The following PITPNC1 variants were observed in gnomAD, a reference collection of about 807,000 sequenced individuals.
PITPNC1 encodes phosphatidylinositol transfer protein cytoplasmic 1.
Under a neutral mutation model 44.7 loss-of-function variants are expected in PITPNC1, and 18 were observed. The ratio of observed to expected loss-of-function variants is 0.40; its 90% CI spans 0.28 to 0.60. PITPNC1 has a LOEUF of 0.60. PITPNC1 is among the 20% of genes least tolerant of loss of function. The pLI, the probability that PITPNC1 is intolerant of heterozygous loss-of-function variation, is 0.39. For missense variants in PITPNC1, 290 were observed against 418.4 expected (o/e 0.69, Z 2.68); for synonymous variants, 141 against 149.6 (o/e 0.94, Z 0.42).
In PITPNC1 at chr17:67,692,864, G is replaced by A. The variant is rs767413827; in HGVS notation, c.975G>A (p.Lys325=). ...LNLPGMHSSD[K]PCRPKSE is the part of the protein sequence containing the mutation. Reference sequence around the variant, plus strand: ...TACCCGGCATGCACTCTTCAGATAAGCCATGTCGGCCCAAATCTGAGTAAC... The same window carrying A: ...TACCCGGCATGCACTCTTCAGATAAACCATGTCGGCCCAAATCTGAGTAAC... The change falls in exon 9 of 9, where the codon AAG becomes AAA. Residue 325 remains lysine (K), a synonymous_variant. Coordinates refer to ENST00000581322, the MANE Select transcript of PITPNC1 (RefSeq NM_012417.4). 1 of 1,606,298 alleles carries A rather than the reference G, an allele frequency of 6.2e-7. No individual in the cohort carries two copies.
At position 67,514,333 on chromosome 17, in the gene PITPNC1, G is replaced by A. The variant is rs534308983; in HGVS notation, c.49-18469G>A. Among the ~76,000 whole-genome samples the A allele has an allele frequency of 7.0e-3, 1,059 of 152,006 alleles. 13 individuals are homozygous for A. Among genetic ancestry groups the A allele is most frequent in the South Asian group, 0.028 (135 of 4,812 alleles). ...TTCCAGCCTCAACCTCCGAGTAGCT[G>A]AGATTACCGGCACCCACCAGCACGC... On this transcript the variant is annotated intron_variant, in intron 1 of 8. Coordinates refer to ENST00000581322, the MANE Select transcript of PITPNC1 (RefSeq NM_012417.4).
chr17:67,404,978 C>T (rs547298500), intron 1 of PITPNC1, among the ~76,000 whole-genome samples: 12 of 152,254 alleles, frequency 7.9e-5, no homozygotes, highest in African/African-American at 2.9e-4. Context: ...CAGGCACCGT[C>T]ACTCACGCCT....
At chr17:67,379,448 G>A in intron 1 of PITPNC1, 1 of 809,970 alleles carries the variant, frequency 1.2e-6, no homozygotes, top group Non-Finnish European at 1.5e-6. Flanking sequence ...TTTACAAAAC[G>A]CATCACGGGG....
chr17:67,491,277 G>GGACA (rs1285613628), intron 1 of PITPNC1, among the ~76,000 whole-genome samples: 1 of 152,244 alleles, frequency 6.6e-6, no homozygotes. Context: ...GGAACCCGCA[G>GGACA]GACACTGAGG....
chr17:67,619,685 C>A lies in PITPNC1; in HGVS notation c.367-12458C>A, dbSNP rs974336533. The stretch of plus-strand genomic sequence containing the variant: ...TCATCTCTGATCAAAGCTTTTCCAC[C>A]ATCAGGTGCTCCTCTGAGAGCTTTC... On this transcript the variant is annotated intron_variant, in intron 5 of 8. Transcript: ENST00000581322. Among the ~76,000 whole-genome samples, 9 of 152,274 alleles carry A rather than the reference C, an allele frequency of 5.9e-5. 1 individual carries two copies. The highest frequency in any genetic ancestry group is 1.9e-4 in the African/African-American group (8 of 41,564).
At chr17:67,599,018 ATATATATATATATATATTT>A (rs1234273082) in intron 5 of PITPNC1, among the ~76,000 whole-genome samples, 36 of 35,946 alleles carry the variant, frequency 1.0e-3, no homozygotes, top group Middle Eastern at 8.9e-3. Flanking sequence ...ATATATATAT[ATATATATATATATATATTT>A]TTTTTTTTTT....
At chr17:67,412,593 T>A (rs559199401) in intron 1 of PITPNC1, among the ~76,000 whole-genome samples, 7 of 152,054 alleles carry the variant, frequency 4.6e-5, no homozygotes, top group Admixed American at 1.3e-4. Flanking sequence ...TGAGACGGAG[T>A]TTCGCTCTTG....
At chr17:67,500,155 C>T (rs1277642340) in intron 1 of PITPNC1, among the ~76,000 whole-genome samples, 1 of 152,162 alleles carries the variant, frequency 6.6e-6, no homozygotes, top group African/African-American at 2.4e-5. Context: ...CTAGTTATTG[C>T]ATTTCTGTCT....
At chr17:67,384,535 C>T (rs2038012410) in intron 1 of PITPNC1, among the ~76,000 whole-genome samples, 1 of 152,116 alleles carries the variant, frequency 6.6e-6, no homozygotes, top group African/African-American at 2.4e-5. Context: ...ACGCCATTCT[C>T]CTGCCTCAGC....
chr17:67,498,778 G>C (rs1288762801), intron 1 of PITPNC1, among the ~76,000 whole-genome samples: 1 of 151,760 alleles, frequency 6.6e-6, no homozygotes, highest in African/African-American at 2.4e-5. Context: ...GTTTTGATTT[G>C]CATTTCCTTG....
intron 1 of PITPNC1, among the ~76,000 whole-genome samples, chr17:67,485,361 A>T (rs2039763785): frequency 7.0e-6 from 1 of 143,792 alleles, no homozygotes; most frequent in Admixed American, 7.0e-5. Context: ...AGTCATCATT[A>T]GTTGGGTGAT....
chr17:67,390,108 A>T (rs560734109), intron 1 of PITPNC1, among the ~76,000 whole-genome samples: 1 of 152,266 alleles, frequency 6.6e-6, no homozygotes, highest in South Asian at 2.1e-4. Context: ...TGTAAATTGA[A>T]AAGTTACGGT....
intron 8 of PITPNC1, among the ~76,000 whole-genome samples, chr17:67,684,113 A>ATT (rs35849301): frequency 0.71 from 96,930 of 135,736 alleles, 35,332 homozygotes; most frequent in Non-Finnish European, 0.77. Flanking sequence ...AAAATAACAA[A>ATT]TTTTTTTTTT....
At chr17:67,595,682 C>T (rs886678711) in intron 5 of PITPNC1, among the ~76,000 whole-genome samples, 5 of 152,004 alleles carry the variant, frequency 3.3e-5, no homozygotes, top group African/African-American at 4.8e-5. Flanking sequence ...AGACTGATGG[C>T]GATTCTCTAT....
At chr17:67,383,195 C>T (rs974514164) in intron 1 of PITPNC1, among the ~76,000 whole-genome samples, 2 of 152,082 alleles carry the variant, frequency 1.3e-5, no homozygotes, top group Non-Finnish European at 2.9e-5. Context: ...TGGGGTTTCA[C>T]CATGTTGGTC....
At chr17:67,571,496 A>G (rs544673348) in intron 4 of PITPNC1, among the ~76,000 whole-genome samples, 5 of 152,380 alleles carry the variant, frequency 3.3e-5, no homozygotes, top group Non-Finnish European at 5.9e-5. Context: ...TCCATGGGTC[A>G]GGAGTTGGAA....
chr17:67,400,155 T>A (rs1407565335), intron 1 of PITPNC1, among the ~76,000 whole-genome samples: 5 of 152,222 alleles, frequency 3.3e-5, no homozygotes, highest in Non-Finnish European at 7.3e-5. Flanking sequence ...GCCATAGGTA[T>A]TTTGGAGTCT....
intron 1 of PITPNC1, among the ~76,000 whole-genome samples, chr17:67,516,306 G>A (rs1302466579): frequency 6.6e-6 from 1 of 152,112 alleles, no homozygotes; most frequent in Non-Finnish European, 1.5e-5. Flanking sequence ...GCAGCTAGAC[G>A]GGCTGGGTTC....
intron 6 of PITPNC1, among the ~76,000 whole-genome samples, chr17:67,643,263 G>A (rs952236871): frequency 1.6e-4 from 24 of 152,254 alleles, no homozygotes; most frequent in African/African-American, 5.8e-4. Context: ...GCACGCACCT[G>A]TAGTCCTAGG....
Sources: allele counts gnomAD v4.1 joint callset (sites outside exome capture counted in the v4.1 genomes callset), GRCh38; gene constraint gnomAD v4.1.1; transcripts MANE v1.5; gene names NCBI Gene and HGNC (gene_info 2026-07-23, HGNC 2026-07-21).